The following SH3D21 variants were observed in gnomAD, a reference collection of about 807,000 sequenced individuals.
SH3D21 encodes the protein manchette microtubule inner protein 1.
In SH3D21, 83 loss-of-function variants were observed where a neutral mutation model predicts 82.1. The observed-to-expected ratio is 1.01, with a 90% confidence interval of 0.85 to 1.21. The LOEUF is 1.21. SH3D21 is among the 50% of genes most tolerant of loss of function. The probability of loss-of-function intolerance (pLI) is 0.00; values close to 1 mark genes in which losing one functional copy is unlikely to be tolerated. For missense variants in SH3D21, 980 were observed against 962.1 expected, an observed-to-expected ratio of 1.02 and a Z score of -0.25; for synonymous variants, 383 against 387.8, an observed-to-expected ratio of 0.99 and a Z score of 0.15.
downstream of SH3D21, chr1:36,322,165 G>C (rs952719178): frequency 5.2e-6 from 7 of 1,357,286 alleles, no homozygotes; most frequent in Non-Finnish European, 5.7e-6. Flanking sequence ...GAGCCTCTCA[G>C]GGGGTGGCGG....
chr1:36,321,523 G>A (rs1646463217), downstream of SH3D21: 1 of 765,302 alleles, frequency 1.3e-6, no homozygotes, highest in Non-Finnish European at 1.7e-6. This position sits in a 1 kb window ranked among gnomAD's most constrained non-coding sequence, Gnocchi z 6.1. Flanking sequence ...GGGAGGAGCC[G>A]GGCGGGCCTT....
At chr1:36,309,876 T>C (rs1646203361) in intron 10 of SH3D21, among the ~76,000 whole-genome samples, 1 of 152,266 alleles carries the variant, frequency 6.6e-6, no homozygotes. Flanking sequence ...TGTTCATATA[T>C]AAGACTGTGT....
chr1:36,326,325 G>A (rs1368956828), downstream of SH3D21, among the ~76,000 whole-genome samples: 2 of 151,364 alleles, frequency 1.3e-5, no homozygotes, highest in Admixed American at 6.6e-5. Flanking sequence ...TCTGTCTCCC[G>A]GATTCGAGTG....
downstream of SH3D21, chr1:36,324,976 C>T (rs905448728): frequency 2.6e-5 from 4 of 152,192 alleles, no homozygotes; most frequent in African/African-American, 7.2e-5. Flanking sequence ...ACCAAAATTG[C>T]ATCTGTGCTG....
chr1:36,316,597 C>T (rs1033556273), intron 10 of SH3D21, among the ~76,000 whole-genome samples: 9 of 152,190 alleles, frequency 5.9e-5, no homozygotes, highest in Middle Eastern at 3.4e-3. Context: ...CTGCTTCGGT[C>T]CTCCTGAAGA....
chr1:36,307,388 G>T lies in SH3D21; in HGVS notation c.345+103G>T. 1.3e-6 allele frequency: 2 copies of T among 1,514,020 alleles called. No individual in the cohort carries two copies. The highest frequency in any genetic ancestry group is 2.0e-5 in the Admixed American group (1 of 50,144). The allele number at this position is 1,514,020 out of a possible 1,614,324, so 93.8% of individuals were successfully genotyped here. A position where few individuals can be genotyped will look rare whatever the true frequency, so the allele number is the denominator to read the frequency against. ...GGTGTGGACGGTGGGAATGGCGACG[G>T]TGCAGATACGGGGAAGCGCGGGAGG... On this transcript the variant is annotated intron_variant, in intron 4 of 15. Coordinates refer to ENST00000453908, the MANE Select transcript of SH3D21 (RefSeq NM_001162530.2). This position sits in a 1 kb window ranked among gnomAD's most constrained non-coding sequence, Gnocchi z 5.4.
Position 36,321,239 on chromosome 1 carries a change from G to C in SH3D21, c.*112G>C. ...ACTCTGCCTAGCACGGCGCCACGCCGGTCTGGTCGCTGGGGGCGGGGCCTG... is the reference window on the plus strand; with the variant it reads ...ACTCTGCCTAGCACGGCGCCACGCCCGTCTGGTCGCTGGGGGCGGGGCCTG... On this transcript the variant is annotated 3_prime_UTR_variant, in exon 16 of 16. Coordinates refer to ENST00000453908, the MANE Select transcript of SH3D21 (RefSeq NM_001162530.2). This position sits in a 1 kb window ranked among gnomAD's most constrained non-coding sequence, Gnocchi z 6.1. 2.7e-6 allele frequency: 4 copies of C among 1,483,128 alleles called. No homozygotes were observed. The highest frequency in any genetic ancestry group is 4.9e-5 in the East Asian group (2 of 40,456). 91.9% of individuals were successfully genotyped at this position (1,483,128 alleles called of 1,614,324 possible). A position where few individuals can be genotyped will look rare whatever the true frequency, so the allele number is the denominator to read the frequency against.
chr1:36,327,565 A>G (rs1285225370), downstream of SH3D21, among the ~76,000 whole-genome samples: 1 of 152,204 alleles, frequency 6.6e-6, no homozygotes, highest in Admixed American at 6.5e-5. Flanking sequence ...CCTGCAGGCA[A>G]AAGTATGTTT....
Position 36,314,197 on chromosome 1 carries a change from G to A in SH3D21, c.769+4607G>A, listed in dbSNP as rs1449494201. On this transcript the variant is annotated intron_variant, in intron 10 of 15. Transcript: ENST00000453908. ...TCACTGTGTTAGCCAGGATGGTCTC[G>A]ATCTCCTGACCTCGTGATTCACCCG... 9.3e-5 allele frequency among the ~76,000 whole-genome samples: 14 copies of A among 150,746 alleles called. No homozygotes were observed. The East Asian group carries it at 1.8e-3, about 19-fold the overall frequency.
Position 36,308,124 on chromosome 1 carries a change from T to A in SH3D21, c.554T>A (p.Val185Asp), listed in dbSNP as rs1386381122. The change falls in exon 8 of 16, where the codon GTC (valine) becomes GAC (aspartate). Residue 185 changes from valine to aspartate, a missense_variant. Transcript: ENST00000453908. ...DYLQTVSHPE[V>D]YRVLFDYQPE... is the part of the protein sequence containing the mutation. ...CTCTTCCCAGTCTCCCACCCTGAGG[T>A]CTACAGGGTCCTGTTTGACTACCAG... is the stretch of plus-strand genomic sequence containing the variant. The A allele has an allele frequency of 6.5e-7, 1 of 1,549,076 alleles. No homozygotes were observed. Among genetic ancestry groups the A allele is most frequent in the African/African-American group, 1.4e-5 (1 of 73,010 alleles).
Position 36,319,522 on chromosome 1 carries a change from T to C in SH3D21, c.997T>C (p.Ser333Pro). 1 of 1,551,474 alleles carries C rather than the reference T, an allele frequency of 6.4e-7. No individual in the cohort carries two copies. The highest frequency in any genetic ancestry group is 1.2e-5 in the South Asian group (1 of 84,044). ...CAAAACCCAGACTCCCCAGCAACGC[T>C]CTGTGTCCAGTCAGGTGAGGGGCGG... Reference protein sequence around the residue: ...RSKTQTPQQRSVSSQEEEHSS... With the variant: ...RSKTQTPQQRPVSSQEEEHSS... The change falls in exon 13 of 16, where the codon TCT becomes CCT. Residue 333 changes from serine (S) to proline (P), a missense_variant. Physicochemically the swap from Ser to Pro is moderately conservative, Grantham distance 74. Coordinates refer to ENST00000453908, the MANE Select transcript of SH3D21 (RefSeq NM_001162530.2).
intron 10 of SH3D21, among the ~76,000 whole-genome samples, chr1:36,309,902 A>G (rs548747863): frequency 3.5e-4 from 53 of 152,270 alleles, no homozygotes; most frequent in Non-Finnish European, 7.5e-4. Flanking sequence ...CATGTGTCTT[A>G]TGTGTCAGTG....
At chr1:36,330,155 C>G (rs1213681702), downstream of SH3D21, among the ~76,000 whole-genome samples, 1 of 152,188 alleles carries the variant, frequency 6.6e-6, no homozygotes, top group Non-Finnish European at 1.5e-5. Context: ...CTGTAAAGCC[C>G]TGCTGCAGTC....
rs1417117599 is a variant in SH3D21 at position 36,320,389 on chromosome 1, C to T, written c.1726C>T (p.Leu576Phe). ...LKSGPASRPALEKPHPHEEAT... is the reference protein window; with the variant it reads ...LKSGPASRPAFEKPHPHEEAT... The stretch of plus-strand genomic sequence containing the variant: ...GTCTGGGCCAGCATCCAGGCCTGCC[C>T]TTGAGAAGCCCCACCCCCACGAAGA... Residue 576 changes from leucine to phenylalanine, a missense_variant, in exon 14 of 16, where the codon CTT (leucine) becomes TTT (phenylalanine). Physicochemically the swap from Leu to Phe is conservative, Grantham distance 22 (BLOSUM62 0). Transcript: ENST00000453908. The T allele has an allele frequency of 6.2e-7, 1 of 1,613,558 alleles. No homozygotes were observed. Among genetic ancestry groups the T allele is most frequent in the Non-Finnish European group, 8.5e-7 (1 of 1,179,980 alleles).
chr1:36,308,567 G>T (rs1335362460), intron 9 of SH3D21, 92 bp downstream of exon 9: 7 of 1,012,098 alleles, frequency 6.9e-6, no homozygotes, highest in Admixed American at 2.1e-5. Flanking sequence ...TAGCTGGAGG[G>T]TCACTAAATG....
chr1:36,319,811 T>G lies in SH3D21; in HGVS notation c.1148T>G (p.Val383Gly). 1.2e-6 allele frequency: 2 copies of G among 1,611,972 alleles called. No individual in the cohort carries two copies. The highest frequency in any genetic ancestry group is 1.7e-6 in the Non-Finnish European group (2 of 1,179,566). ...AAGAAGATCCCGGCTCCTGACAAAG[T>G]CCCCTCCCCAGAGAAGACCCTCACT... ...SSKKIPAPDK[V>G]PSPEKTLTLG... The change falls in exon 14 of 16, where the codon GTC (valine) becomes GGC (glycine). Residue 383 changes from valine to glycine, a missense_variant. Val to Gly is a moderately radical substitution (Grantham distance 109, BLOSUM62 -3). Coordinates refer to ENST00000453908, the MANE Select transcript of SH3D21 (RefSeq NM_001162530.2).
chr1:36,308,084 G>A (rs1646165352), intron 7 of SH3D21, 25 bp from the exon 8 acceptor site: 1 of 1,545,060 alleles, frequency 6.5e-7, no homozygotes, highest in Non-Finnish European at 8.8e-7. Flanking sequence ...TGGCTTCAGA[G>A]GACAGTGGAC....
chr1:36,318,492 T>C (rs989322031), intron 10 of SH3D21, among the ~76,000 whole-genome samples: 1 of 152,018 alleles, frequency 6.6e-6, no homozygotes, highest in African/African-American at 2.4e-5. Flanking sequence ...GAGAGTGGGC[T>C]GGGCGCGATG....
Position 36,309,541 on chromosome 1 carries a change from G to C in SH3D21, c.727-7G>C, listed in dbSNP as rs776913135. On this transcript the variant is annotated splice_polypyrimidine_tract_variant and splice_region_variant and intron_variant, in intron 9 of 15. Coordinates refer to ENST00000453908, the MANE Select transcript of SH3D21 (RefSeq NM_001162530.2). Reference sequence around the variant, plus strand: ...GGATGCTCAACCTTTACTTCTTTTCGGCATAGATCAAGAAGCTGGTCCCAC... The same window carrying C: ...GGATGCTCAACCTTTACTTCTTTTCCGCATAGATCAAGAAGCTGGTCCCAC... 1.0e-5 allele frequency: 16 copies of C among 1,551,356 alleles called. No individual in the cohort carries two copies. The South Asian group carries it at 1.4e-4, about 14-fold the overall frequency.
Sources: gnomAD v4.1 joint callset for allele counts (sites outside exome capture counted in the v4.1 genomes callset) on GRCh38, gnomAD v4.1.1 for gene constraint, Gnocchi (gnomAD v3.1) non-coding constraint, MANE v1.5 for transcripts, NCBI Gene and HGNC (gene_info 2026-07-23, HGNC 2026-07-21) for gene names.